WWOX: variants seen among roughly 807,000 people sequenced by gnomAD.
WWOX encodes WW domain-containing oxidoreductase.
A neutral mutation model predicts 46.2 loss-of-function variants in WWOX; 69 were observed. The ratio of observed to expected loss-of-function variants is 1.49; its 90% CI spans 1.23 to 1.82. The LOEUF (loss-of-function observed/expected upper bound fraction) is 1.82, where lower values mean the gene tolerates loss of function less well. Among genes scored for constraint, WWOX ranks in the 40% most tolerant of loss-of-function variants. WWOX has a pLI of 0.00. For missense variants in WWOX, 919 were observed against 542.6 expected, an observed-to-expected ratio of 1.69 and a Z score of -6.89; for synonymous variants, 359 against 202.6, an observed-to-expected ratio of 1.77 and a Z score of -6.56.
intron 8 of WWOX, among the ~76,000 whole-genome samples, chr16:79,195,142 A>G (rs1307617921): frequency 6.6e-6 from 1 of 152,096 alleles, no homozygotes; most frequent in Non-Finnish European, 1.5e-5. Context: ...CTGGTTATGT[A>G]TATTTCTCTA....
intron 8 of WWOX, among the ~76,000 whole-genome samples, chr16:79,041,431 C>T (rs1426902241): frequency 1.3e-5 from 2 of 152,190 alleles, no homozygotes; most frequent in Non-Finnish European, 2.9e-5. Context: ...TGCCGGTGTC[C>T]TGTCCTGGGC....
At chr16:78,446,690 A>G (rs5019138) in intron 8 of WWOX, among the ~76,000 whole-genome samples, 10,629 of 98,580 alleles carry the variant, frequency 0.11, 608 homozygotes, top group African/African-American at 0.31. Context: ...TTGAGGTGGA[A>G]TCTCCTGTCT....
At chr16:79,042,048 G>C (rs1421961765) in intron 8 of WWOX, among the ~76,000 whole-genome samples, 1 of 152,074 alleles carries the variant, frequency 6.6e-6, no homozygotes, top group Admixed American at 6.5e-5. Flanking sequence ...ACAAATTTTG[G>C]AGGGAAACTG....
At chr16:78,117,889 C>T (rs1162313484) in intron 4 of WWOX, among the ~76,000 whole-genome samples, 1 of 151,978 alleles carries the variant, frequency 6.6e-6, no homozygotes, top group Non-Finnish European at 1.5e-5. Context: ...TGTGAATGTC[C>T]GTTTTCTCTA....
intron 8 of WWOX, among the ~76,000 whole-genome samples, chr16:78,573,827 C>T (rs2044780037): frequency 6.6e-6 from 1 of 152,206 alleles, no homozygotes; most frequent in Non-Finnish European, 1.5e-5. Flanking sequence ...ATTCACTATT[C>T]TTGCTACATA....
intron 8 of WWOX, among the ~76,000 whole-genome samples, chr16:78,565,655 G>C (rs1320778472): frequency 3.3e-5 from 5 of 152,106 alleles, no homozygotes; most frequent in Admixed American, 3.3e-4. Flanking sequence ...CACAAATTTG[G>C]GGAATTAGTG....
intron 8 of WWOX, among the ~76,000 whole-genome samples, chr16:78,461,229 G>A (rs754724180): frequency 6.6e-6 from 1 of 152,156 alleles, no homozygotes; most frequent in East Asian, 1.9e-4. Flanking sequence ...GAGCCCACCT[G>A]TCCAATTCTA....
At chr16:78,761,464 G>C (rs1327016820) in intron 8 of WWOX, among the ~76,000 whole-genome samples, 1 of 152,136 alleles carries the variant, frequency 6.6e-6, no homozygotes, top group East Asian at 1.9e-4. Context: ...TGTCACCGGG[G>C]AGAAATTTGT....
intron 4 of WWOX, among the ~76,000 whole-genome samples, chr16:78,140,157 C>T (rs943559118): frequency 9.2e-5 from 14 of 151,964 alleles, no homozygotes; most frequent in African/African-American, 1.9e-4. Context: ...GCATGGTGAG[C>T]GTAAAAATGG....
intron 8 of WWOX, among the ~76,000 whole-genome samples, chr16:78,470,729 A>G (rs562654396): frequency 2.0e-5 from 3 of 152,208 alleles, no homozygotes; most frequent in Middle Eastern, 3.4e-3. Flanking sequence ...GGGTTTCACC[A>G]TGTGGGCCAG....
At chr16:78,731,845 CTTTTT>C (rs200790501) in intron 8 of WWOX, among the ~76,000 whole-genome samples, 1 of 129,112 alleles carries the variant, frequency 7.7e-6, no homozygotes. Context: ...TTTTCTTTCT[CTTTTT>C]TTTTTTTTTT....
intron 8 of WWOX, among the ~76,000 whole-genome samples, chr16:78,541,736 A>T (rs1227932850): frequency 6.6e-6 from 1 of 152,018 alleles, no homozygotes; most frequent in Non-Finnish European, 1.5e-5. Flanking sequence ...GGTGGCAGTT[A>T]CAATAATACC....
intron 5 of WWOX, among the ~76,000 whole-genome samples, chr16:78,185,345 G>C (rs1010406797): frequency 1.3e-5 from 2 of 152,248 alleles, no homozygotes; most frequent in Middle Eastern, 6.8e-3. Context: ...CTCTGTAACC[G>C]CACTGTTTAA....
intron 8 of WWOX, among the ~76,000 whole-genome samples, chr16:78,547,017 A>G (rs982087904): frequency 6.6e-6 from 1 of 150,578 alleles, no homozygotes; most frequent in Non-Finnish European, 1.5e-5. Flanking sequence ...GGTCCCAGCT[A>G]CTTGGGAGGC....
chr16:78,510,886 C>T lies in WWOX; in HGVS notation c.1056+78134C>T, dbSNP rs182213450. On this transcript the variant is annotated intron_variant, in intron 8 of 8. Coordinates refer to ENST00000566780, the MANE Select transcript of WWOX (RefSeq NM_016373.4). Reference sequence around the variant, plus strand: ...CATGACCTGTGCAATGCACCTGCTTCGGTGCCTGGCACAGAGTCGCAAAGC... The same window carrying T: ...CATGACCTGTGCAATGCACCTGCTTTGGTGCCTGGCACAGAGTCGCAAAGC... Among the ~76,000 whole-genome samples the T allele has an allele frequency of 5.1e-4, 78 of 152,338 alleles. No individual in the cohort carries two copies. The East Asian group carries it at 6.0e-3, about 12-fold the overall frequency.
chr16:78,693,559 G>C (rs1404154209), intron 8 of WWOX, among the ~76,000 whole-genome samples: 1 of 152,168 alleles, frequency 6.6e-6, no homozygotes, highest in African/African-American at 2.4e-5. Context: ...TCATAGAGTA[G>C]TATTTCAGGT....
At chr16:78,115,182 T>G (rs1460789023) in intron 4 of WWOX, 28 bp downstream of exon 4, 1 of 1,613,692 alleles carries the variant, frequency 6.2e-7, no homozygotes, top group Non-Finnish European at 8.5e-7. Context: ...TTATTTATCT[T>G]TGGGACTGCT....
intron 8 of WWOX, among the ~76,000 whole-genome samples, chr16:78,944,285 C>A (rs992502605): frequency 2.6e-5 from 4 of 152,146 alleles, no homozygotes; most frequent in South Asian, 2.1e-4. Context: ...GCATCTACAT[C>A]TTTCAGCCTC....
chr16:78,669,769 C>T (rs1215107438), intron 8 of WWOX, among the ~76,000 whole-genome samples: 1 of 152,194 alleles, frequency 6.6e-6, no homozygotes, highest in African/African-American at 2.4e-5. Flanking sequence ...TGCATCCATG[C>T]ATCCCACATG....
Sources: gnomAD v4.1 joint callset for allele counts (sites outside exome capture counted in the v4.1 genomes callset) on GRCh38, gnomAD v4.1.1 for gene constraint, MANE v1.5 for transcripts, NCBI Gene and HGNC (gene_info 2026-07-23, HGNC 2026-07-21) for gene names.